The following ARF4 variants were observed in gnomAD, a reference collection of about 807,000 sequenced individuals.
ARF4 encodes ARF GTPase 4.
In ARF4, 5 loss-of-function variants were observed where a neutral mutation model predicts 24.3. That is an observed-to-expected ratio of 0.21 (90% CI 0.11 to 0.43). The LOEUF (loss-of-function observed/expected upper bound fraction) is 0.43. Ranked by LOEUF, ARF4 falls within the 20% of genes least tolerant of loss-of-function variation. The probability of loss-of-function intolerance (pLI) is 1.00; values close to 1 mark genes in which losing one functional copy is unlikely to be tolerated. For synonymous variants in ARF4, 62 were observed against 73.5 expected (o/e 0.84, Z 0.80); for missense variants, 107 against 213.0 (o/e 0.50, Z 3.10).
At chr3:57,578,198 A>C (rs1422503232) in intron 3 of ARF4, among the ~76,000 whole-genome samples, 1 of 152,166 alleles carries the variant, frequency 6.6e-6, no homozygotes, top group African/African-American at 2.4e-5. Flanking sequence ...GAAAAAATTA[A>C]CTTGCTTCAG....
chr3:57,583,770 G>T, intron 3 of ARF4, 128 bp downstream of exon 3: 1 of 688,970 alleles, frequency 1.5e-6, no homozygotes, highest in Non-Finnish European at 2.5e-6. Context: ...GAAGAATGTG[G>T]AAGTGGTGAT....
intron 1 of ARF4, 22 bp downstream of exon 1, chr3:57,597,052 T>A (rs1464807919): frequency 1.2e-6 from 2 of 1,612,674 alleles, no homozygotes; most frequent in South Asian, 1.1e-5. Flanking sequence ...AGGTCCCGCC[T>A]GACTCGCAGC....
rs776097507 is a variant in ARF4, at chr3:57,575,598, T to C, written c.406A>G (p.Ile136Val). The change falls in exon 5 of 6, where the codon ATC becomes GTC. Residue 136 changes from isoleucine to valine, a missense_variant. Coordinates refer to ENST00000303436, the MANE Select transcript of ARF4 (RefSeq NM_001660.4). ...CCTAGTTTATCTGTCATTTCACTGATGGCCATAGCATTTGGCAAATCCTGT... is the reference window on the plus strand; with the variant it reads ...CCTAGTTTATCTGTCATTTCACTGACGGCCATAGCATTTGGCAAATCCTGT... ...NKQDLPNAMA[I>V]SEMTDKLGLQ... The C allele has an allele frequency of 2.7e-5, 43 of 1,613,562 alleles. No individual in the cohort carries two copies. The highest frequency in any genetic ancestry group is 3.6e-5 in the Non-Finnish European group (43 of 1,179,874).
intron 1 of ARF4, among the ~76,000 whole-genome samples, chr3:57,595,964 A>AT (rs2070176604): frequency 6.6e-6 from 1 of 151,598 alleles, no homozygotes. Context: ...AAAAAAAAAA[A>AT]GGAAGAGAAA....
At chr3:57,586,577 G>C (rs2070039960) in intron 1 of ARF4, among the ~76,000 whole-genome samples, 1 of 152,060 alleles carries the variant, frequency 6.6e-6, no homozygotes, top group Non-Finnish European at 1.5e-5. Context: ...TTCGTACTCG[G>C]ATACAGGTTT....
rs2070201731 is a variant in ARF4, at chr3:57,597,256, G to T, written c.-116C>A. 9.8e-7 allele frequency: 1 copy of T among 1,024,928 alleles called. No homozygotes were observed. The highest frequency in any genetic ancestry group is 1.6e-5 in the African/African-American group (1 of 62,460). The allele number at this position is 1,024,928 out of a possible 1,614,324, so 63.5% of individuals were successfully genotyped here. ...AGAGGGAAGAGAAAGAGCGGAGGAA[G>T]AAAGAGGGAGGCAGAAACGTCTCAG... On this transcript the variant is annotated 5_prime_UTR_variant, in exon 1 of 6. Transcript: ENST00000303436.
chr3:57,574,235 G>A (rs912818892), intron 5 of ARF4, among the ~76,000 whole-genome samples: 1 of 151,878 alleles, frequency 6.6e-6, no homozygotes, highest in African/African-American at 2.4e-5. Flanking sequence ...CACTGCACCC[G>A]GCCTGCAATA....
At chr3:57,578,129 A>AG (rs1218236506) in intron 3 of ARF4, among the ~76,000 whole-genome samples, 1 of 152,168 alleles carries the variant, frequency 6.6e-6, no homozygotes, top group Non-Finnish European at 1.5e-5. Context: ...GAGTAATAAA[A>AG]GGGGGGTGGG....
At chr3:57,581,168 A>AT (rs558265851) in intron 3 of ARF4, among the ~76,000 whole-genome samples, 254 of 152,340 alleles carry the variant, frequency 1.7e-3, no homozygotes, top group African/African-American at 5.7e-3. Flanking sequence ...GTTTGTTAGT[A>AT]TAAGTTAGAA....
intron 3 of ARF4, among the ~76,000 whole-genome samples, chr3:57,580,498 C>G (rs915905857): frequency 3.9e-5 from 6 of 152,124 alleles, no homozygotes; most frequent in Non-Finnish European, 8.8e-5. Flanking sequence ...AACTCCTGTG[C>G]TCAGGTGATC....
At chr3:57,582,230 A>G (rs2069982668) in intron 3 of ARF4, among the ~76,000 whole-genome samples, 1 of 151,610 alleles carries the variant, frequency 6.6e-6, no homozygotes, top group Non-Finnish European at 1.5e-5. Context: ...TATATTGATG[A>G]CCATAAACAT....
chr3:57,597,053 G>A (rs748898624), intron 1 of ARF4, 21 bp downstream of exon 1: 5 of 1,612,738 alleles, frequency 3.1e-6, no homozygotes, highest in Non-Finnish European at 4.2e-6. Flanking sequence ...GGTCCCGCCT[G>A]ACTCGCAGCC....
At chr3:57,590,129 AAAT>A (rs1276754816) in intron 1 of ARF4, among the ~76,000 whole-genome samples, 27 of 145,806 alleles carry the variant, frequency 1.9e-4, no homozygotes, top group Admixed American at 3.4e-4. Context: ...ATAAATAAAT[AAAT>A]AAAACAAAAA....
intron 3 of ARF4, among the ~76,000 whole-genome samples, chr3:57,581,659 G>A (rs985509932): frequency 6.6e-6 from 1 of 152,164 alleles, no homozygotes; most frequent in African/African-American, 2.4e-5. Context: ...AATTAGCCAG[G>A]TGTGGTGGCG....
intron 1 of ARF4, among the ~76,000 whole-genome samples, chr3:57,586,227 T>C (rs1350409290): frequency 6.6e-6 from 1 of 152,164 alleles, no homozygotes; most frequent in African/African-American, 2.4e-5. Context: ...GCCGCCTGGG[T>C]TTATCTTATC....
chr3:57,594,919 T>C (rs891926157), intron 1 of ARF4, among the ~76,000 whole-genome samples: 11 of 152,362 alleles, frequency 7.2e-5, no homozygotes, highest in South Asian at 4.1e-4. Flanking sequence ...CCCTCGTACG[T>C]TGATACTTCC....
chr3:57,592,204 T>C (rs924213054), intron 1 of ARF4, among the ~76,000 whole-genome samples: 1 of 152,078 alleles, frequency 6.6e-6, no homozygotes, highest in Non-Finnish European at 1.5e-5. Context: ...ATCTTAATAT[T>C]TTGGCCAGGC....
intron 4 of ARF4, 120 bp downstream of exon 4, chr3:57,577,196 A>T (rs2069916478): frequency 1.2e-6 from 1 of 810,326 alleles, no homozygotes; most frequent in South Asian, 1.7e-5. Flanking sequence ...TCTTAAGTTT[A>T]TTTCTAGCCC....
At chr3:57,589,391 G>T (rs2153409244) in intron 1 of ARF4, among the ~76,000 whole-genome samples, 1 of 152,166 alleles carries the variant, frequency 6.6e-6, no homozygotes, top group Admixed American at 6.6e-5. Context: ...TCACACCACT[G>T]CAATTCAGCG....
Sources: gnomAD v4.1 joint callset for allele counts (sites outside exome capture counted in the v4.1 genomes callset) on GRCh38, gnomAD v4.1.1 for gene constraint, MANE v1.5 for transcripts, NCBI Gene and HGNC (gene_info 2026-07-23, HGNC 2026-07-21) for gene names.